The following CDH4 variants were observed in gnomAD, a reference collection of about 807,000 sequenced individuals.
CDH4 encodes the protein cadherin-4.
A neutral mutation model predicts 86.0 loss-of-function variants in CDH4; 33 were observed. The observed-to-expected ratio is 0.38, with a 90% CI of 0.29 to 0.51. The LOEUF (loss-of-function observed/expected upper bound fraction) is 0.51. CDH4 is among the 20% of genes least tolerant of loss of function. CDH4 has a pLI of 0.86. For missense variants in CDH4, 1,114 were observed against 1,307.4 expected (o/e 0.85, Z 2.28); for synonymous variants, 555 against 549.4 (o/e 1.01, Z -0.14).
chr20:61,570,376 C>T, intron 2 of CDH4: 1 of 352,442 alleles, frequency 2.8e-6, no homozygotes, highest in East Asian at 4.8e-5. Context: ...GAAAGAGTGC[C>T]CTGGTTGGGA....
chr20:61,525,255 G>C (rs924109507), intron 2 of CDH4, among the ~76,000 whole-genome samples: 1 of 152,206 alleles, frequency 6.6e-6, no homozygotes, highest in African/African-American at 2.4e-5. Context: ...GAATTGAGCT[G>C]CCTGTGGTTT....
At chr20:61,428,128 G>C (rs1377158312) in intron 2 of CDH4, among the ~76,000 whole-genome samples, 7 of 152,154 alleles carry the variant, frequency 4.6e-5, no homozygotes, top group Admixed American at 4.6e-4. Flanking sequence ...GGCCAGGTAG[G>C]AATTCCTTCT....
intron 3 of CDH4, among the ~76,000 whole-genome samples, chr20:61,747,387 G>T (rs1053998659): frequency 6.7e-6 from 1 of 149,006 alleles, no homozygotes; most frequent in Non-Finnish European, 1.5e-5. Context: ...GGCGGAGCTC[G>T]CAGTGAGCCG....
intron 4 of CDH4, among the ~76,000 whole-genome samples, chr20:61,787,806 G>A (rs775194453): frequency 1.3e-5 from 2 of 152,208 alleles, no homozygotes; most frequent in African/African-American, 4.8e-5. Context: ...GGATATCGAG[G>A]GGATGAGTGC....
At chr20:61,768,964 G>A (rs1005838016) in intron 3 of CDH4, among the ~76,000 whole-genome samples, 2 of 152,322 alleles carry the variant, frequency 1.3e-5, no homozygotes, top group South Asian at 4.1e-4. Context: ...GGGCCCTGGT[G>A]AGCTGCTGCT....
At chr20:61,372,939 C>T (rs1346139664) in intron 2 of CDH4, among the ~76,000 whole-genome samples, 4 of 152,400 alleles carry the variant, frequency 2.6e-5, no homozygotes, top group African/African-American at 7.2e-5. Flanking sequence ...ACCCCAGCCC[C>T]GTGCCCTCCG....
intron 2 of CDH4, among the ~76,000 whole-genome samples, chr20:61,454,560 C>T (rs1267265943): frequency 2.0e-5 from 3 of 152,300 alleles, no homozygotes; most frequent in East Asian, 3.9e-4. Context: ...ATTCTCCTGC[C>T]TCAGCCTCCG....
intron 2 of CDH4, among the ~76,000 whole-genome samples, chr20:61,638,220 C>A (rs936288483): frequency 1.3e-5 from 2 of 152,162 alleles, no homozygotes; most frequent in African/African-American, 4.8e-5. Flanking sequence ...TCGGCTGCCC[C>A]CTTCACACTT....
At chr20:61,915,564 G>A (rs146262458) in intron 9 of CDH4, among the ~76,000 whole-genome samples, 20 of 152,344 alleles carry the variant, frequency 1.3e-4, no homozygotes, top group Admixed American at 9.1e-4. Context: ...CTGCTCAGCC[G>A]TCAAAAGGAA....
chr20:61,282,545 GCA>G (rs10536308), intron 2 of CDH4, among the ~76,000 whole-genome samples: 7,464 of 27,100 alleles, frequency 0.28, 219 homozygotes, highest in South Asian at 0.41. Context: ...TGGTGTGTGT[GCA>G]TGTGTGTGTG....
chr20:61,777,784 C>T (rs2088862276), intron 4 of CDH4, among the ~76,000 whole-genome samples: 1 of 151,720 alleles, frequency 6.6e-6, no homozygotes. Flanking sequence ...AAACACACAT[C>T]CACATGCGCA....
intron 4 of CDH4, among the ~76,000 whole-genome samples, chr20:61,839,450 ATG>A (rs1346552743): frequency 2.0e-5 from 3 of 147,936 alleles, no homozygotes; most frequent in Non-Finnish European, 3.0e-5. Context: ...TGTATTGAGT[ATG>A]TGTTGTGTGT....
chr20:61,555,492 C>G (rs1346428917), intron 2 of CDH4, among the ~76,000 whole-genome samples: 1 of 152,172 alleles, frequency 6.6e-6, no homozygotes, highest in Non-Finnish European at 1.5e-5. Flanking sequence ...CAGTGCCTCC[C>G]TCACTCTCCA....
At chr20:61,358,106 T>G (rs1445729412) in intron 2 of CDH4, among the ~76,000 whole-genome samples, 1 of 152,330 alleles carries the variant, frequency 6.6e-6, no homozygotes, top group East Asian at 1.9e-4. Flanking sequence ...TGGGTTGTGC[T>G]CATTTTCTTC....
chr20:61,288,076 T>A (rs2084302598), intron 2 of CDH4, among the ~76,000 whole-genome samples: 1 of 152,164 alleles, frequency 6.6e-6, no homozygotes, highest in African/African-American at 2.4e-5. Flanking sequence ...AAAATTATAT[T>A]TATCCAAATC....
At chr20:61,914,528 C>T (rs1002491514) in intron 9 of CDH4, among the ~76,000 whole-genome samples, 3 of 152,104 alleles carry the variant, frequency 2.0e-5, no homozygotes, top group Non-Finnish European at 2.9e-5. Flanking sequence ...CTGGAATCAA[C>T]GGAGATCGGT....
chr20:61,590,884 G>GGA (rs1568701020), intron 2 of CDH4, among the ~76,000 whole-genome samples: 3 of 152,014 alleles, frequency 2.0e-5, no homozygotes, highest in Non-Finnish European at 4.4e-5. Flanking sequence ...TATGGGGGGG[G>GGA]GGGTCCCCGG....
chr20:61,460,123 T>C (rs1182809326), intron 2 of CDH4, among the ~76,000 whole-genome samples: 1 of 152,188 alleles, frequency 6.6e-6, no homozygotes, highest in East Asian at 1.9e-4. Context: ...GTTAAATGAA[T>C]GTGCAAGGTG....
intron 4 of CDH4, among the ~76,000 whole-genome samples, chr20:61,788,506 G>A (rs954595533): frequency 1.3e-5 from 2 of 152,178 alleles, no homozygotes; most frequent in African/African-American, 4.8e-5. Flanking sequence ...CCAGAGGTGG[G>A]GTCAGGAGGC....
Sources: allele counts gnomAD v4.1 joint callset (sites outside exome capture counted in the v4.1 genomes callset), GRCh38; gene constraint gnomAD v4.1.1; transcripts MANE v1.5; gene names NCBI Gene and HGNC (gene_info 2026-07-23, HGNC 2026-07-21).